The following PRKAR2A variants were observed in gnomAD, a reference collection of about 807,000 sequenced individuals.
The protein encoded by PRKAR2A is protein kinase cAMP-dependent type II regulatory subunit alpha, also known as cAMP-dependent protein kinase type II-alpha regulatory subunit.
In PRKAR2A, 29 loss-of-function variants were observed where a neutral mutation model predicts 51.9. The observed-to-expected ratio is 0.56, with a 90% CI of 0.42 to 0.76. The LOEUF is 0.76. PRKAR2A is among the 30% of genes least tolerant of loss of function. PRKAR2A has a pLI of 0.00. For synonymous variants in PRKAR2A, 178 were observed against 186.2 expected (o/e 0.96, Z 0.36); for missense variants, 445 against 512.1 (o/e 0.87, Z 1.26).
chr3:48,829,848 T>TGC (rs55733899), intron 1 of PRKAR2A, among the ~76,000 whole-genome samples: 1 of 24,024 alleles, frequency 4.2e-5, no homozygotes, highest in African/African-American at 1.6e-4. Context: ...TGCGTGTGTG[T>TGC]ATATATATAT....
chr3:48,781,658 G>A (rs1167255661), intron 5 of PRKAR2A, among the ~76,000 whole-genome samples: 7 of 151,812 alleles, frequency 4.6e-5, no homozygotes, highest in South Asian at 2.1e-4. Flanking sequence ...GACTACAGGC[G>A]CGTGCCACCA....
At chr3:48,806,767 G>A (rs1166856654) in intron 2 of PRKAR2A, among the ~76,000 whole-genome samples, 1 of 151,878 alleles carries the variant, frequency 6.6e-6, no homozygotes, top group Non-Finnish European at 1.5e-5. Flanking sequence ...TCTCATATTT[G>A]GAAAGCATTC....
At chr3:48,779,888 G>C (rs1276804881) in intron 5 of PRKAR2A, among the ~76,000 whole-genome samples, 2 of 151,342 alleles carry the variant, frequency 1.3e-5, no homozygotes, top group East Asian at 3.9e-4. Flanking sequence ...TGGGCTGGGT[G>C]CGGTGGCTCA....
intron 2 of PRKAR2A, among the ~76,000 whole-genome samples, chr3:48,799,057 T>C (rs1357361876): frequency 6.6e-6 from 1 of 152,222 alleles, no homozygotes; most frequent in East Asian, 1.9e-4. Flanking sequence ...CCTAAATTAC[T>C]TCCTTTATTT....
chr3:48,779,403 A>G (rs887508177), intron 5 of PRKAR2A, among the ~76,000 whole-genome samples: 4 of 152,138 alleles, frequency 2.6e-5, no homozygotes, highest in Non-Finnish European at 4.4e-5. Context: ...TAAGTGCCCA[A>G]TGGGACCTCT....
At chr3:48,758,094 A>G (rs1427560598) in intron 8 of PRKAR2A, among the ~76,000 whole-genome samples, 1 of 151,376 alleles carries the variant, frequency 6.6e-6, no homozygotes, top group Non-Finnish European at 1.5e-5. Context: ...ACATACATAC[A>G]TACATACACA....
chr3:48,771,526 C>A (rs1020871160), intron 6 of PRKAR2A, among the ~76,000 whole-genome samples: 2 of 152,134 alleles, frequency 1.3e-5, no homozygotes, highest in Non-Finnish European at 2.9e-5. Flanking sequence ...TTTTTAGTTT[C>A]TTTCTTTCAA....
Position 48,752,295 on chromosome 3 carries a change from C to T in PRKAR2A, c.962G>A (p.Gly321Glu). The T allele has an allele frequency of 6.2e-7, 1 of 1,613,954 alleles. No homozygotes were observed. Among genetic ancestry groups the T allele is most frequent in the Non-Finnish European group, 8.5e-7 (1 of 1,179,956 alleles). Reference sequence around the variant, plus strand: ...GCGGGCAATCTCGACCTCCTGGTTCCCACCATCCTTGTTTGATTTAGTCTA... The same window carrying T: ...GCGGGCAATCTCGACCTCCTGGTTCTCACCATCCTTGTTTGATTTAGTCTA... ...RSRTKSNKDG[G>E]NQEVEIARCH... The change falls in exon 10 of 11, where the codon GGG (glycine) becomes GAG (glutamate). Residue 321 changes from glycine (G) to glutamate (E), a missense_variant. Gly to Glu is a moderately conservative substitution (Grantham distance 98). Coordinates refer to ENST00000265563, the MANE Select transcript of PRKAR2A (RefSeq NM_004157.4).
chr3:48,804,451 T>C (rs1352067268), intron 2 of PRKAR2A, among the ~76,000 whole-genome samples: 2 of 151,746 alleles, frequency 1.3e-5, no homozygotes, highest in Admixed American at 1.3e-4. Flanking sequence ...CAGAGTGAGA[T>C]CCTGTTTCAA....
intron 8 of PRKAR2A, among the ~76,000 whole-genome samples, chr3:48,756,738 T>C (rs1468642643): frequency 1.3e-5 from 2 of 152,214 alleles, no homozygotes; most frequent in Non-Finnish European, 2.9e-5. Flanking sequence ...CCCCTCACTA[T>C]TAACTTGTGG....
intron 1 of PRKAR2A, among the ~76,000 whole-genome samples, chr3:48,833,510 C>A (rs1434880710): frequency 1.3e-5 from 2 of 151,056 alleles, no homozygotes; most frequent in Non-Finnish European, 2.9e-5. Flanking sequence ...GAGTTCAAGA[C>A]CAGCCTGGCC....
intron 1 of PRKAR2A, among the ~76,000 whole-genome samples, chr3:48,829,025 G>A (rs933798479): frequency 2.6e-5 from 4 of 151,472 alleles, no homozygotes; most frequent in South Asian, 2.1e-4. Context: ...TGGTAGAGAC[G>A]GGGTTTCACC....
At chr3:48,752,121 A>G (rs2107188837) in intron 10 of PRKAR2A, 55 bp downstream of exon 10, 1 of 1,572,294 alleles carries the variant, frequency 6.4e-7, no homozygotes, top group Non-Finnish European at 8.6e-7. Flanking sequence ...TGCTGATGGG[A>G]AAAAAATATT....
intron 5 of PRKAR2A, among the ~76,000 whole-genome samples, chr3:48,774,023 G>C (rs1032105962): frequency 2.6e-5 from 4 of 151,826 alleles, no homozygotes; most frequent in Admixed American, 1.3e-4. Flanking sequence ...TGTAGAGATG[G>C]GGTCTCACTA....
In PRKAR2A at chr3:48,765,092, T is replaced by C. The variant is rs1196658101; in HGVS notation, c.799-14A>G. On this transcript the variant is annotated splice_polypyrimidine_tract_variant and intron_variant, in intron 7 of 10. Coordinates refer to ENST00000265563, the MANE Select transcript of PRKAR2A (RefSeq NM_004157.4). ...TCGTTCTGACACCTGAAACAACAAA[T>C]TCACAAATAAAAGGAAAAGACCTTA... 6.2e-7 allele frequency: 1 copy of C among 1,612,390 alleles called. No homozygotes were observed. The highest frequency in any genetic ancestry group is 8.5e-7 in the Non-Finnish European group (1 of 1,178,720).
chr3:48,840,721 C>T (rs1391259586), intron 1 of PRKAR2A, among the ~76,000 whole-genome samples: 1 of 148,288 alleles, frequency 6.7e-6, no homozygotes, highest in Non-Finnish European at 1.5e-5. Flanking sequence ...GGACTACAGG[C>T]ACCCGCCACC....
intron 1 of PRKAR2A, among the ~76,000 whole-genome samples, chr3:48,832,721 G>A (rs1486900815): frequency 6.6e-6 from 1 of 151,742 alleles, no homozygotes; most frequent in Non-Finnish European, 1.5e-5. Context: ...TAACTCACAG[G>A]CAGTGCACCA....
chr3:48,837,870 A>AG (rs1056971287), intron 1 of PRKAR2A, among the ~76,000 whole-genome samples: 2 of 152,116 alleles, frequency 1.3e-5, no homozygotes, highest in African/African-American at 4.8e-5. Context: ...CATTATGCTA[A>AG]GTGCCAGCGG....
chr3:48,789,458 A>C (rs972141895), intron 4 of PRKAR2A, among the ~76,000 whole-genome samples: 6 of 150,484 alleles, frequency 4.0e-5, no homozygotes, highest in Non-Finnish European at 8.9e-5. Flanking sequence ...CCTTCTTCAC[A>C]GTTTCACAGA....
Sources: allele counts gnomAD v4.1 joint callset (sites outside exome capture counted in the v4.1 genomes callset), GRCh38; gene constraint gnomAD v4.1.1; transcripts MANE v1.5; gene names NCBI Gene and HGNC (gene_info 2026-07-23, HGNC 2026-07-21).